NFIA: variants seen among roughly 807,000 people sequenced by gnomAD.
NFIA encodes the protein nuclear factor 1 A-type.
In NFIA, 8 loss-of-function variants were observed where a neutral mutation model predicts 62.8. The ratio of observed to expected loss-of-function variants is 0.13; its 90% CI spans 0.07 to 0.23. The LOEUF (loss-of-function observed/expected upper bound fraction) is 0.23. NFIA is among the 10% of genes least tolerant of loss of function. The pLI, the probability that NFIA is intolerant of heterozygous loss-of-function variation, is 1.00. For synonymous variants in NFIA, 235 were observed against 238.1 expected, an observed-to-expected ratio of 0.99 and a Z score of 0.12; for missense variants, 410 against 642.1, an observed-to-expected ratio of 0.64 and a Z score of 3.91.
intron 2 of NFIA, among the ~76,000 whole-genome samples, chr1:61,161,620 C>T (rs930129160): frequency 3.1e-4 from 46 of 150,742 alleles, no homozygotes; most frequent in Admixed American, 1.2e-3. Flanking sequence ...CACACACACA[C>T]GCAGACAGTC....
chr1:61,287,004 G>A (rs1658544836), intron 3 of NFIA, among the ~76,000 whole-genome samples: 1 of 152,190 alleles, frequency 6.6e-6, no homozygotes, highest in Admixed American at 6.5e-5. Context: ...AATAGTTGCA[G>A]ATGAGTAGCA....
chr1:61,400,354 A>G (rs534165529), intron 7 of NFIA, among the ~76,000 whole-genome samples: 7 of 152,336 alleles, frequency 4.6e-5, no homozygotes, highest in Non-Finnish European at 8.8e-5. Context: ...GCCACTCGTT[A>G]AAGTTTAAAC....
intron 2 of NFIA, chr1:61,132,550 G>A (rs1013605615): frequency 6.6e-6 from 1 of 152,174 alleles, no homozygotes; most frequent in African/African-American, 2.4e-5. Context: ...AAGCCACAAA[G>A]ATAGTGTCTT....
At chr1:61,444,050 G>A (rs769965718) in intron 10 of NFIA, among the ~76,000 whole-genome samples, 8 of 152,096 alleles carry the variant, frequency 5.3e-5, no homozygotes, top group Admixed American at 1.3e-4. Flanking sequence ...TTTGGGCTGG[G>A]TACATTTCTC....
chr1:61,406,559 CA>C lies in NFIA; in HGVS notation c.1255-2del. On this transcript the variant is annotated splice_acceptor_variant, in intron 8 of 10. Transcript: ENST00000403491. LOFTEE classifies it high-confidence loss of function. ...GTGTTTTCTGCCCCCCCCCCCCCCA[CA>C]GCCCAATGGGAGCAGCCAAGGCAAG... The C allele has an allele frequency of 2.2e-6, 3 of 1,345,436 alleles. No individual in the cohort carries two copies. The highest frequency in any genetic ancestry group is 3.0e-6 in the Non-Finnish European group (3 of 1,013,136). 83.3% of individuals were successfully genotyped at this position (1,345,436 alleles called of 1,614,324 possible).
chr1:61,264,565 T>C (rs908205721), intron 2 of NFIA, among the ~76,000 whole-genome samples: 28 of 145,268 alleles, frequency 1.9e-4, no homozygotes, highest in African/African-American at 5.2e-4. Flanking sequence ...ACGGGAGAAT[T>C]GCCAGAACCC....
intron 2 of NFIA, among the ~76,000 whole-genome samples, chr1:61,256,165 C>T (rs570010310): frequency 1.1e-4 from 16 of 152,194 alleles, no homozygotes; most frequent in African/African-American, 2.9e-4. Flanking sequence ...TGGTGGCTCA[C>T]GCCTGTAATC....
intron 2 of NFIA, among the ~76,000 whole-genome samples, chr1:61,122,900 A>G (rs867241130): frequency 6.6e-6 from 1 of 151,908 alleles, no homozygotes; most frequent in South Asian, 2.1e-4. Context: ...TGCATTTGCT[A>G]TTTTTCCTAA....
At chr1:61,400,614 G>A (rs556103228) in intron 7 of NFIA, among the ~76,000 whole-genome samples, 2 of 152,276 alleles carry the variant, frequency 1.3e-5, no homozygotes, top group African/African-American at 4.8e-5. Flanking sequence ...TTTACATAAT[G>A]TGCTATAATT....
intron 7 of NFIA, among the ~76,000 whole-genome samples, chr1:61,385,511 A>G (rs1664635573): frequency 6.6e-6 from 1 of 152,204 alleles, no homozygotes; most frequent in African/African-American, 2.4e-5. Context: ...TTATACAGAA[A>G]CAACAATAAA....
intron 2 of NFIA, among the ~76,000 whole-genome samples, chr1:61,176,898 A>T (rs1227205158): frequency 2.0e-5 from 3 of 152,060 alleles, no homozygotes; most frequent in Non-Finnish European, 4.4e-5. Context: ...AGGTCAGGAG[A>T]TCGAGACCAT....
intron 2 of NFIA, among the ~76,000 whole-genome samples, chr1:61,211,278 T>A (rs376547223): frequency 6.6e-5 from 10 of 152,328 alleles, no homozygotes; most frequent in African/African-American, 2.4e-4. Flanking sequence ...TGTTTCTCAG[T>A]CATTGAGACC....
At position 61,082,572 on chromosome 1, in the gene NFIA, T is replaced by C; in HGVS notation, c.-220T>C. 2 of 1,465,888 alleles carry C rather than the reference T, an allele frequency of 1.4e-6. No homozygotes were observed. Among genetic ancestry groups the C allele is most frequent in the Non-Finnish European group, 9.1e-7 (1 of 1,104,686 alleles). 90.8% of individuals were successfully genotyped at this position (1,465,888 alleles called of 1,614,324 possible). On this transcript the variant is annotated 5_prime_UTR_variant, in exon 1 of 11. Transcript: ENST00000403491. ...GGGAAACTCTAGGCGGGGTTAAAGTTCAGCTCATGGAGCGGCAATAGCGCT... is the reference window on the plus strand; with the variant it reads ...GGGAAACTCTAGGCGGGGTTAAAGTCCAGCTCATGGAGCGGCAATAGCGCT...
intron 2 of NFIA, among the ~76,000 whole-genome samples, chr1:61,167,996 T>A (rs1649701646): frequency 6.6e-6 from 1 of 152,208 alleles, no homozygotes; most frequent in African/African-American, 2.4e-5. Context: ...ATACCTTGCA[T>A]GTACATGATG....
At chr1:61,140,746 C>T (rs930594966) in intron 2 of NFIA, among the ~76,000 whole-genome samples, 10 of 151,952 alleles carry the variant, frequency 6.6e-5, no homozygotes, top group Non-Finnish European at 7.4e-5. Context: ...AAAAATGGGA[C>T]GAAAATCCCT....
chr1:61,119,337 A>G (rs1646848968), intron 2 of NFIA, among the ~76,000 whole-genome samples: 1 of 152,196 alleles, frequency 6.6e-6, no homozygotes, highest in Non-Finnish European at 1.5e-5. Flanking sequence ...TAGCTTTATC[A>G]TATGAGGTAA....
chr1:61,099,525 A>G (rs1352784459), intron 2 of NFIA, among the ~76,000 whole-genome samples: 3 of 152,180 alleles, frequency 2.0e-5, no homozygotes, highest in African/African-American at 7.2e-5. Flanking sequence ...GATTTTCTAA[A>G]TTGTGGATGT....
At chr1:61,420,730 A>T (rs12039166) in intron 9 of NFIA, among the ~76,000 whole-genome samples, 3 of 152,022 alleles carry the variant, frequency 2.0e-5, no homozygotes, top group Non-Finnish European at 4.4e-5. Context: ...AAACGAGGGA[A>T]CACATGAAGG....
chr1:61,427,615 G>A (rs1190019526), intron 10 of NFIA, among the ~76,000 whole-genome samples: 2 of 152,126 alleles, frequency 1.3e-5, no homozygotes, highest in Non-Finnish European at 2.9e-5. Flanking sequence ...CCTCTGTAAA[G>A]GGCTTTGGTT....
Sources: gnomAD v4.1 joint callset for allele counts (sites outside exome capture counted in the v4.1 genomes callset) on GRCh38, gnomAD v4.1.1 for gene constraint, MANE v1.5 for transcripts, NCBI Gene and HGNC (gene_info 2026-07-23, HGNC 2026-07-21) for gene names.